Variants in KDM4C observed in about 807,000 individuals in gnomAD.
KDM4C encodes lysine-specific demethylase 4C.
A neutral mutation model predicts 129.3 loss-of-function variants in KDM4C; 81 were observed. The ratio of observed to expected loss-of-function variants is 0.63; its 90% CI spans 0.52 to 0.75. The LOEUF is 0.75. Among genes scored for constraint, KDM4C ranks in the 30% least tolerant of loss-of-function variants. The pLI, the probability that KDM4C is intolerant of heterozygous loss-of-function variation, is 0.00. For missense variants in KDM4C, 1,457 were observed against 1,304.0 expected (o/e 1.12, Z -1.81); for synonymous variants, 573 against 456.1 (o/e 1.26, Z -3.26).
At chr9:6,834,956 G>A in intron 4 of KDM4C, 2 of 1,033,916 alleles carry the variant, frequency 1.9e-6, no homozygotes, top group Non-Finnish European at 1.5e-6. Context: ...CATCTGCGAG[G>A]GATATGCCCT....
intron 12 of KDM4C, among the ~76,000 whole-genome samples, chr9:6,994,485 C>T (rs1819334862): frequency 1.3e-5 from 2 of 152,192 alleles, no homozygotes; most frequent in Non-Finnish European, 2.9e-5. Context: ...GATCACCTTA[C>T]ACTGTGGTTT....
At chr9:6,752,846 G>C (rs1818118472), upstream of KDM4C, among the ~76,000 whole-genome samples, 1 of 152,096 alleles carries the variant, frequency 6.6e-6, no homozygotes, top group Non-Finnish European at 1.5e-5. Flanking sequence ...TAAAATATCT[G>C]TGTTCCTCAA....
At chr9:6,996,853 C>A (rs927082192) in intron 12 of KDM4C, among the ~76,000 whole-genome samples, 6 of 152,098 alleles carry the variant, frequency 3.9e-5, no homozygotes, top group African/African-American at 1.4e-4. Context: ...ACAAACATTT[C>A]TTTTATATTT....
chr9:7,026,476 T>C (rs1825839201), intron 15 of KDM4C, among the ~76,000 whole-genome samples: 1 of 152,118 alleles, frequency 6.6e-6, no homozygotes, highest in Admixed American at 6.6e-5. Flanking sequence ...CTCCATTGAA[T>C]GTTATTTTTT....
intron 1 of KDM4C, among the ~76,000 whole-genome samples, chr9:6,784,470 G>T (rs1825042734): frequency 6.6e-6 from 1 of 152,120 alleles, no homozygotes; most frequent in Non-Finnish European, 1.5e-5. Context: ...GACCTCCAGT[G>T]GTCCACCCAC....
At chr9:6,920,314 G>C (rs1016962811) in intron 8 of KDM4C, among the ~76,000 whole-genome samples, 1 of 152,106 alleles carries the variant, frequency 6.6e-6, no homozygotes, top group Non-Finnish European at 1.5e-5. Flanking sequence ...AACAGTCTTA[G>C]GTTTTATAAT....
In KDM4C at chr9:7,026,671, A is replaced by G. The variant is rs184370371; in HGVS notation, c.2259+10742A>G. Among the ~76,000 whole-genome samples the G allele has an allele frequency of 3.8e-3, 585 of 152,154 alleles. 8 individuals are homozygous for G. Among genetic ancestry groups the G allele is most frequent in the African/African-American group, 0.013 (546 of 41,522 alleles). ...TCTCTATTATTCTTCCTCTTGACCA[A>G]CTTTCTACCCTCATCTGTTTCTCTG... On this transcript the variant is annotated intron_variant, in intron 15 of 21. Transcript: ENST00000381309.
intron 1 of KDM4C, among the ~76,000 whole-genome samples, chr9:6,790,970 CATT>C (rs1826471338): frequency 6.6e-6 from 1 of 152,192 alleles, no homozygotes; most frequent in Admixed American, 6.5e-5. Flanking sequence ...GCTCCAGACA[CATT>C]ATTAAACTCC....
At chr9:7,122,868 A>G (rs560151232) in intron 18 of KDM4C, among the ~76,000 whole-genome samples, 85 of 152,314 alleles carry the variant, frequency 5.6e-4, no homozygotes, top group African/African-American at 1.9e-3. Context: ...TCAGAACACC[A>G]TAGCCATTTC....
At chr9:6,957,644 A>C (rs17511776) in intron 8 of KDM4C, among the ~76,000 whole-genome samples, 2 of 151,986 alleles carry the variant, frequency 1.3e-5, no homozygotes, top group South Asian at 2.1e-4. Flanking sequence ...GATATTTTCT[A>C]TTGGTTGCAC....
intron 5 of KDM4C, among the ~76,000 whole-genome samples, chr9:6,876,355 A>T (rs1391829191): frequency 6.6e-6 from 1 of 152,098 alleles, no homozygotes; most frequent in African/African-American, 2.4e-5. Context: ...ATGAGGTCTG[A>T]CAGTGTATAA....
At position 6,758,066 on chromosome 9, in the gene KDM4C, C is replaced by G. The variant is rs1818598616; in HGVS notation, c.-155C>G. ...GCGCAGTGATCGGGCGGCCGGGGTC[C>G]TGTGCGCGTGCGCAGCGAACAGCTG... On this transcript the variant is annotated 5_prime_UTR_variant, in exon 1 of 22. Transcript: ENST00000381309. The surrounding 1 kb of genome is among the most constrained non-coding windows in gnomAD (Gnocchi z 4.6). 1 of 985,460 alleles carries G rather than the reference C, an allele frequency of 1.0e-6. No individual in the cohort carries two copies. Among genetic ancestry groups the G allele is most frequent in the Non-Finnish European group, 1.2e-6 (1 of 829,982 alleles). 61.0% of individuals were successfully genotyped at this position (985,460 alleles called of 1,614,324 possible). A position where few individuals can be genotyped will look rare whatever the true frequency, so the allele number is the denominator to read the frequency against.
At chr9:7,094,255 G>T (rs1262637424) in intron 17 of KDM4C, among the ~76,000 whole-genome samples, 1 of 152,218 alleles carries the variant, frequency 6.6e-6, no homozygotes, top group Non-Finnish European at 1.5e-5. Flanking sequence ...ATGGTGGCAG[G>T]GTTAGGATTC....
intron 15 of KDM4C, among the ~76,000 whole-genome samples, chr9:7,031,892 C>G (rs1826843869): frequency 6.6e-6 from 1 of 152,156 alleles, no homozygotes; most frequent in South Asian, 2.1e-4. Flanking sequence ...CTTCATAAAT[C>G]CCACTCCCCT....
At chr9:6,744,488 G>A (rs1324302444) in intron 1 of KDM4C, among the ~76,000 whole-genome samples, 4 of 152,052 alleles carry the variant, frequency 2.6e-5, no homozygotes, top group Admixed American at 2.6e-4. Context: ...TCGCACCACT[G>A]CCCTCCAGTG....
intron 1 of KDM4C, among the ~76,000 whole-genome samples, chr9:6,786,444 C>T (rs1386256994): frequency 6.6e-6 from 1 of 152,120 alleles, no homozygotes; most frequent in East Asian, 1.9e-4. Flanking sequence ...ACATTGAAGA[C>T]CAGCTCTGTG....
chr9:7,143,720 T>A (rs1015658975), intron 19 of KDM4C, among the ~76,000 whole-genome samples: 2 of 152,202 alleles, frequency 1.3e-5, no homozygotes, highest in Admixed American at 1.3e-4. Flanking sequence ...AAGAATCATT[T>A]GGGGGAGTTT....
At chr9:6,954,949 C>G (rs1828806655) in intron 8 of KDM4C, among the ~76,000 whole-genome samples, 1 of 152,206 alleles carries the variant, frequency 6.6e-6, no homozygotes, top group South Asian at 2.1e-4. Flanking sequence ...GCTTCAGTCT[C>G]TAGTACTGCA....
chr9:7,120,809 A>C (rs1383253663), intron 18 of KDM4C, among the ~76,000 whole-genome samples: 1 of 152,172 alleles, frequency 6.6e-6, no homozygotes, highest in Non-Finnish European at 1.5e-5. Context: ...TAAATGTTGG[A>C]GATGGTGTTT....
Sources: allele counts gnomAD v4.1 joint callset (sites outside exome capture counted in the v4.1 genomes callset), GRCh38; gene constraint gnomAD v4.1.1; non-coding constraint Gnocchi (gnomAD v3.1); transcripts MANE v1.5; gene names NCBI Gene and HGNC (gene_info 2026-07-23, HGNC 2026-07-21).